The following ADGRG7 variants were observed in gnomAD, a reference collection of about 807,000 sequenced individuals.
The protein encoded by ADGRG7 is G-protein coupled receptor 128.
Under a neutral mutation model 88.6 loss-of-function variants are expected in ADGRG7, and 82 were observed. The observed-to-expected ratio is 0.93, with a 90% CI of 0.77 to 1.11. The LOEUF is 1.11. ADGRG7 is among the 50% of genes most tolerant of loss of function. The pLI is 0.00. For synonymous variants in ADGRG7, 381 were observed against 345.2 expected (o/e 1.10, Z -1.15); for missense variants, 945 against 953.4 (o/e 0.99, Z 0.12).
chr3:100,690,306 GC>G (rs2094991056), intron 15 of ADGRG7, among the ~76,000 whole-genome samples: 1 of 151,576 alleles, frequency 6.6e-6, no homozygotes, highest in South Asian at 2.1e-4. Flanking sequence ...TAACTTCTTT[GC>G]CATGGGTTCG....
chr3:100,656,002 T>G lies in ADGRG7; in HGVS notation c.1823+7T>G. The G allele has an allele frequency of 6.4e-7, 1 of 1,550,728 alleles. No individual in the cohort carries two copies. Among genetic ancestry groups the G allele is most frequent in the South Asian group, 1.1e-5 (1 of 89,552 alleles). ...ACTACCGGCAAGAGAAAATGTGAGT[T>G]TATATTTTTTTAAATGTCCAATTGT... is the stretch of plus-strand genomic sequence containing the variant. On this transcript the variant is annotated splice_region_variant and intron_variant, in intron 13 of 15. Transcript: ENST00000273352.
intron 15 of ADGRG7, among the ~76,000 whole-genome samples, chr3:100,672,042 CT>C (rs2094959394): frequency 6.6e-6 from 1 of 152,068 alleles, no homozygotes; most frequent in Non-Finnish European, 1.5e-5. Context: ...TATGTGGGCT[CT>C]TTTTTGGTTC....
chr3:100,611,338 TC>T (rs71132526), intron 1 of ADGRG7, among the ~76,000 whole-genome samples: 1 of 147,484 alleles, frequency 6.8e-6, no homozygotes, highest in Admixed American at 6.9e-5. Context: ...CTCCCTTCCT[TC>T]CCCCCGTTCC....
At chr3:100,643,163 A>G in intron 6 of ADGRG7, 103 bp from the exon 7 acceptor site, 1 of 1,046,938 alleles carries the variant, frequency 9.6e-7, no homozygotes, top group Non-Finnish European at 1.4e-6. Flanking sequence ...TCATGACCAC[A>G]CAATTCTATG....
In ADGRG7 at chr3:100,691,256, G is replaced by A. The variant is rs9290144; in HGVS notation, c.2137-3488G>A. Among the ~76,000 whole-genome samples the A allele has an allele frequency of 6.8e-3, 1,034 of 152,250 alleles. 10 individuals carry two copies. The highest frequency in any genetic ancestry group is 0.022 in the African/African-American group (916 of 41,540). ...GGAGTGACCCGATTTTCCAGGTGCCGTCTGTCACCCCTTTCTTTGACTAGG... is the reference window on the plus strand; with the variant it reads ...GGAGTGACCCGATTTTCCAGGTGCCATCTGTCACCCCTTTCTTTGACTAGG... On this transcript the variant is annotated intron_variant, in intron 15 of 15. Coordinates refer to ENST00000273352, the MANE Select transcript of ADGRG7 (RefSeq NM_032787.3).
At chr3:100,664,528 C>G (rs1482439537) in intron 14 of ADGRG7, among the ~76,000 whole-genome samples, 2 of 152,112 alleles carry the variant, frequency 1.3e-5, no homozygotes, top group African/African-American at 4.8e-5. Flanking sequence ...GAAAACCAAA[C>G]AAGATGCAGA....
chr3:100,649,507 C>T (rs1285857441), intron 10 of ADGRG7, among the ~76,000 whole-genome samples, 188 bp from the exon 11 acceptor site: 2 of 152,198 alleles, frequency 1.3e-5, no homozygotes, highest in African/African-American at 2.4e-5. Flanking sequence ...AGCCTGTATA[C>T]TTCAGGTAAA....
At chr3:100,640,758 G>A (rs1245922942) in intron 6 of ADGRG7, among the ~76,000 whole-genome samples, 1 of 152,136 alleles carries the variant, frequency 6.6e-6, no homozygotes, top group Non-Finnish European at 1.5e-5. Context: ...CTGACCTCAG[G>A]TGATCCACCT....
At chr3:100,659,903 A>G (rs1576329262) in intron 14 of ADGRG7, 60 bp downstream of exon 14, 2 of 1,475,282 alleles carry the variant, frequency 1.4e-6, no homozygotes, top group Non-Finnish European at 1.9e-6. Flanking sequence ...TTAACGCAGC[A>G]CCATAACACA....
chr3:100,637,413 A>G lies in ADGRG7; in HGVS notation c.698+11A>G. ...TGATGCCCTTACAACGTAAGCACAA[A>G]TTCAATTTGGAAAGAAAACTTGACT... is the stretch of plus-strand genomic sequence containing the variant. On this transcript the variant is annotated intron_variant, in intron 6 of 15. Coordinates refer to ENST00000273352, the MANE Select transcript of ADGRG7 (RefSeq NM_032787.3). 6.3e-7 allele frequency: 1 copy of G among 1,596,792 alleles called. No individual in the cohort carries two copies. Among genetic ancestry groups the G allele is most frequent in the Admixed American group, 1.7e-5 (1 of 59,942 alleles).
rs114893777 is a variant in ADGRG7, at chr3:100,667,286, C to T, written c.1980-1663C>T. 5.7e-3 allele frequency among the ~76,000 whole-genome samples: 872 copies of T among 152,134 alleles called. 7 individuals are homozygous for T. The highest frequency in any genetic ancestry group is 6.6e-3 in the Non-Finnish European group (449 of 68,002). Reference sequence around the variant, plus strand: ...TGGTGGTTTGCTGCACCCATTAATCCGTCACCTACATTAGGTATTTCTCCT... The same window carrying T: ...TGGTGGTTTGCTGCACCCATTAATCTGTCACCTACATTAGGTATTTCTCCT... On this transcript the variant is annotated intron_variant, in intron 14 of 15. Transcript: ENST00000273352.
chr3:100,687,620 A>G (rs2094985083), intron 15 of ADGRG7, among the ~76,000 whole-genome samples: 2 of 152,178 alleles, frequency 1.3e-5, no homozygotes, highest in African/African-American at 2.4e-5. Context: ...CCTTTTCTGC[A>G]TCTATTGAGA....
Position 100,635,778 on chromosome 3 carries a change from G to A in ADGRG7, c.549G>A (p.Thr183=), listed in dbSNP as rs142118691. 1.7e-5 allele frequency: 27 copies of A among 1,613,660 alleles called. No individual in the cohort carries two copies. Among genetic ancestry groups the A allele is most frequent in the Middle Eastern group, 3.3e-4 (2 of 6,082 alleles). Residue 183 remains threonine, a synonymous_variant, in exon 5 of 16, where the codon ACG becomes ACA. Coordinates refer to ENST00000273352, the MANE Select transcript of ADGRG7 (RefSeq NM_032787.3). Reference sequence around the variant, plus strand: ...CTGCTGAGAACATCACTAGTGCTACGCGAGTGGTTGGACAGATATTCAACA... The same window carrying A: ...CTGCTGAGAACATCACTAGTGCTACACGAGTGGTTGGACAGATATTCAACA... ...KLTAENITSA[T]RVVGQIFNTS...
chr3:100,649,408 G>A (rs998412554), intron 10 of ADGRG7, among the ~76,000 whole-genome samples: 1 of 152,194 alleles, frequency 6.6e-6, no homozygotes, highest in African/African-American at 2.4e-5. Context: ...TTTGGCATCT[G>A]CAAGTTGTTC....
chr3:100,636,615 TC>T (rs1466803861), intron 5 of ADGRG7, among the ~76,000 whole-genome samples: 2 of 150,972 alleles, frequency 1.3e-5, no homozygotes, highest in Non-Finnish European at 2.9e-5. Context: ...GCTACTCCTT[TC>T]TTCCATTCCC....
At chr3:100,643,144 T>C in intron 6 of ADGRG7, 122 bp from the exon 7 acceptor site, 1 of 851,244 alleles carries the variant, frequency 1.2e-6, no homozygotes, top group Non-Finnish European at 1.8e-6. Flanking sequence ...TAGGCAATTG[T>C]CAATGTTGTC....
chr3:100,637,807 T>C (rs1707570623), intron 6 of ADGRG7, among the ~76,000 whole-genome samples: 1 of 152,198 alleles, frequency 6.6e-6, no homozygotes. Flanking sequence ...ACCTCACTTC[T>C]CTCTTTCCAA....
chr3:100,655,152 T>C lies in ADGRG7; in HGVS notation c.1697T>C (p.Phe566Ser), dbSNP rs1173789457. Reference sequence around the variant, plus strand: ...ACCATGAAGCCTCTTCCTCGGCATTTCATTCTTTTCATCTCATTAATTGGA... The same window carrying C: ...ACCATGAAGCCTCTTCCTCGGCATTCCATTCTTTTCATCTCATTAATTGGA... ...IRTMKPLPRH[F>S]ILFISLIGWG... The change falls in exon 12 of 16, where the codon TTC (phenylalanine) becomes TCC (serine). Residue 566 changes from phenylalanine to serine, a missense_variant. By Grantham distance (155) the Phe-to-Ser change is radical. Coordinates refer to ENST00000273352, the MANE Select transcript of ADGRG7 (RefSeq NM_032787.3). The C allele has an allele frequency of 6.2e-7, 1 of 1,611,456 alleles. No homozygotes were observed.
intron 4 of ADGRG7, 88 bp downstream of exon 4, chr3:100,633,465 AT>A (rs1707486300): frequency 3.5e-6 from 2 of 566,832 alleles, no homozygotes; most frequent in Non-Finnish European, 2.9e-6. Context: ...GGTCAAATCA[AT>A]TCTTTTAAAA....
Sources: allele counts gnomAD v4.1 joint callset (sites outside exome capture counted in the v4.1 genomes callset), GRCh38; gene constraint gnomAD v4.1.1; transcripts MANE v1.5; gene names NCBI Gene and HGNC (gene_info 2026-07-23, HGNC 2026-07-21).